The following CDH19 variants were observed in gnomAD, a reference collection of about 807,000 sequenced individuals.
The protein encoded by CDH19 is cadherin-19.
CDH19 carries 67 observed loss-of-function variants against 64.2 expected under a neutral mutation model. That is an observed-to-expected ratio of 1.04 (90% CI 0.86 to 1.28). The LOEUF (loss-of-function observed/expected upper bound fraction) is 1.28. CDH19 is among the 50% of genes most tolerant of loss of function. The pLI is 0.00. For synonymous variants in CDH19, 346 were observed against 319.3 expected (o/e 1.08, Z -0.89); for missense variants, 1,030 against 929.0 (o/e 1.11, Z -1.41).
intron 3 of CDH19, 137 bp from the exon 4 acceptor site, chr18:66,554,661 T>A: frequency 1.7e-6 from 1 of 586,676 alleles, no homozygotes; most frequent in Non-Finnish European, 2.8e-6. Context: ...TTCTTAATTG[T>A]AAAAGTAATG....
At chr18:66,579,386 ACAAT>A (rs1404084147) in intron 1 of CDH19, among the ~76,000 whole-genome samples, 1 of 152,046 alleles carries the variant, frequency 6.6e-6, no homozygotes, top group African/African-American at 2.4e-5. Flanking sequence ...GTAAAAGGAA[ACAAT>A]CAAACAAACC....
Position 66,544,159 on chromosome 18 carries a change from A to C in CDH19, c.1026T>G (p.Pro342=). The change falls in exon 7 of 12, where the codon CCT becomes CCG. Residue 342 remains proline (P), a synonymous_variant. Coordinates refer to ENST00000262150, the MANE Select transcript of CDH19 (RefSeq NM_021153.4). ...IRAKVKNHHV[P]EQLMKYHTEA... Reference sequence around the variant, plus strand: ...CAGTGTGGTACTTCATGAGCTGCTCAGGAACATGATGGTTTTTAACTTTTG... The same window carrying C: ...CAGTGTGGTACTTCATGAGCTGCTCCGGAACATGATGGTTTTTAACTTTTG... 6.2e-7 allele frequency: 1 copy of C among 1,613,946 alleles called. No individual in the cohort carries two copies. The highest frequency in any genetic ancestry group is 8.5e-7 in the Non-Finnish European group (1 of 1,179,820).
Position 66,534,969 on chromosome 18 carries a change from T to A in CDH19, c.1336+17A>T. On this transcript the variant is annotated intron_variant, in intron 8 of 11. Coordinates refer to ENST00000262150, the MANE Select transcript of CDH19 (RefSeq NM_021153.4). Reference sequence around the variant, plus strand: ...AATATGGCAAACAACTGTATTGGATTTCAAATGAGTACTTACATTTTTCTG... The same window carrying A: ...AATATGGCAAACAACTGTATTGGATATCAAATGAGTACTTACATTTTTCTG... 1.4e-6 allele frequency: 2 copies of A among 1,431,010 alleles called. No homozygotes were observed. The highest frequency in any genetic ancestry group is 5.0e-5 in the East Asian group (2 of 39,702). The allele number at this position is 1,431,010 out of a possible 1,614,324, so 88.6% of individuals were successfully genotyped here.
At chr18:66,518,454 G>C (rs144605667) in intron 9 of CDH19, among the ~76,000 whole-genome samples, 2 of 151,890 alleles carry the variant, frequency 1.3e-5, no homozygotes, top group Non-Finnish European at 2.9e-5. Flanking sequence ...GGCTGGTCTC[G>C]AACTTCTGAC....
At chr18:66,532,404 A>G (rs529371129) in intron 8 of CDH19, 3 of 160,154 alleles carry the variant, frequency 1.9e-5, no homozygotes, top group African/African-American at 7.2e-5. Context: ...TTGAAAGAAC[A>G]AAACAAATTA....
Position 66,554,419 on chromosome 18 carries a change from A to C in CDH19, c.596T>G (p.Val199Gly). Residue 199 changes from valine to glycine, a missense_variant, in exon 4 of 12, where the codon GTT becomes GGT. Physicochemically the swap from Val to Gly is moderately radical, Grantham distance 109. Transcript: ENST00000262150. Reference protein sequence around the residue: ...SLLQGQPYFSVEPTTGVIRIS... With the variant: ...SLLQGQPYFSGEPTTGVIRIS... ...TTCACAAATACCTGTTGTTGGTTCA[A>C]CAGAAAAATATGGCTGGCCTTGAAG... 1 of 1,611,678 alleles carries C rather than the reference A, an allele frequency of 6.2e-7. No homozygotes were observed. Among genetic ancestry groups the C allele is most frequent in the South Asian group, 1.1e-5 (1 of 90,942 alleles).
intron 1 of CDH19, among the ~76,000 whole-genome samples, chr18:66,589,231 T>C (rs1173043629): frequency 6.6e-6 from 1 of 150,404 alleles, no homozygotes; most frequent in African/African-American, 2.4e-5. Context: ...TGAATGAATA[T>C]ACATATTTGA....
chr18:66,536,016 A>G (rs1986655200), intron 7 of CDH19, among the ~76,000 whole-genome samples: 1 of 149,096 alleles, frequency 6.7e-6, no homozygotes, highest in African/African-American at 2.4e-5. Flanking sequence ...GCCAAGTTAC[A>G]AATTTCTCCC....
intron 6 of CDH19, 69 bp from the exon 7 acceptor site, chr18:66,544,293 T>A: frequency 2.1e-6 from 3 of 1,443,834 alleles, no homozygotes; most frequent in Non-Finnish European, 2.8e-6. Context: ...AGAAAAAAGG[T>A]TTTACCTGTT....
In CDH19 at chr18:66,504,884, G is replaced by A. The variant is rs1985106607; in HGVS notation, c.2247C>T (p.Tyr749=). The A allele has an allele frequency of 1.2e-6, 2 of 1,613,174 alleles. No individual in the cohort carries two copies. Among genetic ancestry groups the A allele is most frequent in the African/African-American group, 1.3e-5 (1 of 74,856 alleles). Residue 749 remains tyrosine, a synonymous_variant, in exon 12 of 12, where the codon TAC becomes TAT. Coordinates refer to ENST00000262150, the MANE Select transcript of CDH19 (RefSeq NM_021153.4). The part of the protein sequence containing the change: ...AVSDQDESYD[Y]LNELGPRFKR... ...TAAAGCGAGGTCCCAACTCATTAAG[G>A]TAATCATAGCTTTCATCCTGATCAG...
intron 1 of CDH19, among the ~76,000 whole-genome samples, chr18:66,591,124 T>A (rs559019488): frequency 6.6e-6 from 1 of 152,074 alleles, no homozygotes; most frequent in African/African-American, 2.4e-5. Flanking sequence ...TCAGATTGAG[T>A]ATCTTCAGCT....
chr18:66,581,499 GGT>G (rs1423162483), intron 1 of CDH19, among the ~76,000 whole-genome samples: 1 of 152,074 alleles, frequency 6.6e-6, no homozygotes, highest in African/African-American at 2.4e-5. Context: ...CCCTGGTTGT[GGT>G]TGGGCACCAT....
chr18:66,581,348 T>C (rs1232662219), intron 1 of CDH19, among the ~76,000 whole-genome samples: 1 of 152,062 alleles, frequency 6.6e-6, no homozygotes, highest in Non-Finnish European at 1.5e-5. Context: ...GCGAGTATGT[T>C]TGTGATGATT....
At chr18:66,583,633 G>C (rs932872313) in intron 1 of CDH19, among the ~76,000 whole-genome samples, 4 of 151,946 alleles carry the variant, frequency 2.6e-5, no homozygotes, top group African/African-American at 9.7e-5. Context: ...AAGGATAATG[G>C]CCTCCAGCTA....
chr18:66,520,115 G>A (rs1985915456), intron 9 of CDH19, among the ~76,000 whole-genome samples: 1 of 152,084 alleles, frequency 6.6e-6, no homozygotes, highest in African/African-American at 2.4e-5. Flanking sequence ...AACTCGGGAG[G>A]CAGAGGTTGC....
At chr18:66,603,628 T>G (rs1246993534) in intron 1 of CDH19, among the ~76,000 whole-genome samples, 1 of 151,822 alleles carries the variant, frequency 6.6e-6, no homozygotes, top group Non-Finnish European at 1.5e-5. Context: ...AAGAAAGACA[T>G]GCAAAGAAAG....
At chr18:66,508,474 G>T (rs1170841369) in intron 11 of CDH19, among the ~76,000 whole-genome samples, 2 of 151,680 alleles carry the variant, frequency 1.3e-5, no homozygotes, top group African/African-American at 4.8e-5. Flanking sequence ...TGTGGTCATG[G>T]AATCTTAGCA....
chr18:66,544,745 G>C lies in CDH19; in HGVS notation c.934C>G (p.Gln312Glu), dbSNP rs780154990. 1.9e-6 allele frequency: 3 copies of C among 1,607,652 alleles called. No individual in the cohort carries two copies. The highest frequency in any genetic ancestry group is 2.6e-6 in the Non-Finnish European group (3 of 1,176,336). Residue 312 changes from glutamine (Q) to glutamate (E), a missense_variant, in exon 6 of 12, where the codon CAA (glutamine) becomes GAA (glutamate). Gln to Glu is a conservative substitution (Grantham distance 29). Coordinates refer to ENST00000262150, the MANE Select transcript of CDH19 (RefSeq NM_021153.4). Reference sequence around the variant, plus strand: ...TTTTTTAATATAACTATTCCTTCTTGAGTTTCATGATTAGTAATAATGTCA... The same window carrying C: ...TTTTTTAATATAACTATTCCTTCTTCAGTTTCATGATTAGTAATAATGTCA... ...TFDIITNHETQEGIVILKKKV... is the reference protein window; with the variant it reads ...TFDIITNHETEEGIVILKKKV...
At chr18:66,526,429 A>T (rs756896715) in intron 9 of CDH19, among the ~76,000 whole-genome samples, 19 of 152,136 alleles carry the variant, frequency 1.2e-4, no homozygotes, top group Non-Finnish European at 2.5e-4. Context: ...ATTGCAATAA[A>T]CATTAGCATT....
Sources: gnomAD v4.1 joint callset for allele counts (sites outside exome capture counted in the v4.1 genomes callset) on GRCh38, gnomAD v4.1.1 for gene constraint, MANE v1.5 for transcripts, NCBI Gene and HGNC (gene_info 2026-07-23, HGNC 2026-07-21) for gene names.